PRKCQ: variants seen among roughly 807,000 people sequenced by gnomAD.
PRKCQ encodes the protein protein kinase C theta.
PRKCQ carries 41 observed loss-of-function variants against 91.2 expected under a neutral mutation model. The observed-to-expected ratio is 0.45, with a 90% CI of 0.35 to 0.58. The LOEUF (loss-of-function observed/expected upper bound fraction) is 0.58. Ranked by LOEUF, PRKCQ falls within the 20% of genes least tolerant of loss-of-function variation. PRKCQ has a pLI of 0.00. For synonymous variants in PRKCQ, 307 were observed against 316.9 expected (o/e 0.97, Z 0.33); for missense variants, 673 against 896.5 (o/e 0.75, Z 3.18).
At chr10:6,551,397 T>TC (rs1840179026) in intron 1 of PRKCQ, among the ~76,000 whole-genome samples, 2 of 150,632 alleles carry the variant, frequency 1.3e-5, no homozygotes, top group Non-Finnish European at 2.9e-5. Flanking sequence ...CTTTTTTTTT[T>TC]CTTTTTTTTT....
intron 3 of PRKCQ, among the ~76,000 whole-genome samples, chr10:6,508,033 A>C (rs543166392): frequency 6.6e-6 from 1 of 152,324 alleles, no homozygotes; most frequent in Non-Finnish European, 1.5e-5. Context: ...ATTTTTAGGA[A>C]AGTCTTGGAT....
intron 1 of PRKCQ, among the ~76,000 whole-genome samples, chr10:6,529,634 T>A (rs1260337716): frequency 6.6e-6 from 1 of 152,172 alleles, no homozygotes; most frequent in Non-Finnish European, 1.5e-5. Context: ...AGTTAACATG[T>A]GAAGGAGCTT....
At chr10:6,424,625 T>C (rs971526693), downstream of PRKCQ, among the ~76,000 whole-genome samples, 6 of 152,190 alleles carry the variant, frequency 3.9e-5, no homozygotes, top group African/African-American at 1.4e-4. Context: ...GATGGGTCCA[T>C]TGGAGACAGA....
intron 14 of PRKCQ, among the ~76,000 whole-genome samples, chr10:6,457,885 C>A (rs1835098718): frequency 6.6e-6 from 1 of 152,006 alleles, no homozygotes; most frequent in Admixed American, 6.6e-5. Flanking sequence ...CCAGTTTCTT[C>A]TCATTCTGTA....
intron 12 of PRKCQ, among the ~76,000 whole-genome samples, chr10:6,468,886 T>C (rs1374437905): frequency 1.3e-5 from 2 of 152,194 alleles, no homozygotes; most frequent in African/African-American, 2.4e-5. Context: ...GGACATCTCA[T>C]AGGACAGCCG....
intron 3 of PRKCQ, among the ~76,000 whole-genome samples, chr10:6,508,513 A>G (rs529957606): frequency 2.0e-5 from 3 of 152,396 alleles, no homozygotes; most frequent in Non-Finnish European, 4.4e-5. Flanking sequence ...TCACAGCATT[A>G]CTGCCATGAG....
intron 1 of PRKCQ, among the ~76,000 whole-genome samples, chr10:6,548,655 T>C (rs1424779283): frequency 6.9e-6 from 1 of 145,140 alleles, no homozygotes; most frequent in East Asian, 2.1e-4. Flanking sequence ...ACACTGCATG[T>C]TCTCACTCAT....
chr10:6,504,590 T>C (rs984194490), intron 4 of PRKCQ, among the ~76,000 whole-genome samples: 1 of 152,248 alleles, frequency 6.6e-6, no homozygotes, highest in Non-Finnish European at 1.5e-5. Context: ...TCTTGGTTAA[T>C]CAGTATTTGT....
intron 3 of PRKCQ, among the ~76,000 whole-genome samples, chr10:6,510,688 T>TC (rs1160603571): frequency 3.9e-5 from 6 of 152,140 alleles, no homozygotes; most frequent in Non-Finnish European, 8.8e-5. Context: ...CAAAAACTCA[T>TC]CCCCCACTTA....
chr10:6,493,134 T>C (rs1166247190), intron 7 of PRKCQ, among the ~76,000 whole-genome samples: 1 of 152,228 alleles, frequency 6.6e-6, no homozygotes, highest in African/African-American at 2.4e-5. Context: ...CCATGGCTGA[T>C]GAAGACGCTA....
chr10:6,424,407 T>C (rs956880600), downstream of PRKCQ, among the ~76,000 whole-genome samples: 72 of 152,196 alleles, frequency 4.7e-4, no homozygotes, highest in Non-Finnish European at 2.5e-4. Flanking sequence ...AGCGTCTTCA[T>C]ACTTCTCACC....
chr10:6,401,287 C>T, the PRKCQ span, among the ~76,000 whole-genome samples: 1 of 152,212 alleles, frequency 6.6e-6, no homozygotes, highest in Admixed American at 6.5e-5. Flanking sequence ...AGCTTCCCCA[C>T]TTTAGAGCAT....
intron 1 of PRKCQ, among the ~76,000 whole-genome samples, chr10:6,548,402 T>G (rs181979793): frequency 0.082 from 12,378 of 151,334 alleles, 639 homozygotes; most frequent in Middle Eastern, 0.2. Flanking sequence ...CAAAGGACTA[T>G]AAATCATGCT....
At chr10:6,424,445 A>G (rs1393508121), downstream of PRKCQ, among the ~76,000 whole-genome samples, 1 of 152,188 alleles carries the variant, frequency 6.6e-6, no homozygotes, top group Non-Finnish European at 1.5e-5. Flanking sequence ...CTCCTTCCGC[A>G]GTCCGATGAC....
chr10:6,483,642 T>C lies in PRKCQ; in HGVS notation c.1019-42A>G, dbSNP rs368926474. The stretch of plus-strand genomic sequence containing the variant: ...GTGGTTAAAAATGAACATGGAGTAA[T>C]GGAGGTCATTCTAGTTACTGAGAGC... On this transcript the variant is annotated intron_variant, in intron 10 of 17. Coordinates refer to ENST00000263125, the MANE Select transcript of PRKCQ (RefSeq NM_006257.5). The C allele has an allele frequency of 3.1e-6, 5 of 1,604,924 alleles. No individual in the cohort carries two copies. In the African/African-American group the frequency reaches 4.0e-5, roughly 13 times the overall value.
intron 14 of PRKCQ, among the ~76,000 whole-genome samples, chr10:6,460,526 C>T (rs1215248558): frequency 6.6e-6 from 1 of 150,810 alleles, no homozygotes; most frequent in African/African-American, 2.4e-5. Context: ...GACTGTTGCT[C>T]TGTTGCCCAG....
intron 15 of PRKCQ, among the ~76,000 whole-genome samples, chr10:6,449,053 C>T (rs1302462184): frequency 6.6e-6 from 1 of 152,208 alleles, no homozygotes; most frequent in Admixed American, 6.5e-5. Flanking sequence ...AACGCAGTTC[C>T]TCACCAGCAA....
the PRKCQ span, among the ~76,000 whole-genome samples, chr10:6,407,034 G>T: frequency 6.6e-6 from 1 of 152,142 alleles, no homozygotes; most frequent in African/African-American, 2.4e-5. The surrounding 1 kb of genome is among the most constrained non-coding windows in gnomAD (Gnocchi z 4.0). Context: ...ATCAATGAGT[G>T]AAGTTTAAAA....
chr10:6,432,400 T>C (rs753823012), intron 16 of PRKCQ, among the ~76,000 whole-genome samples: 2 of 152,024 alleles, frequency 1.3e-5, no homozygotes, highest in African/African-American at 4.8e-5. Context: ...TAAAAAAAAG[T>C]AGGAGAATCT....
Sources: gnomAD v4.1 joint callset for allele counts (sites outside exome capture counted in the v4.1 genomes callset) on GRCh38, gnomAD v4.1.1 for gene constraint, Gnocchi (gnomAD v3.1) non-coding constraint, MANE v1.5 for transcripts, NCBI Gene and HGNC (gene_info 2026-07-23, HGNC 2026-07-21) for gene names.